Variants in IL1RAPL2 observed in about 807,000 individuals in gnomAD.
The protein encoded by IL1RAPL2 is X-linked interleukin-1 receptor accessory protein-like 2.
A neutral mutation model predicts 44.1 loss-of-function variants in IL1RAPL2; 3 were observed. That is an observed-to-expected ratio of 0.07 (90% CI 0.03 to 0.18). The LOEUF is 0.18. IL1RAPL2 is among the 10% of genes least tolerant of loss of function. The probability of loss-of-function intolerance (pLI) is 1.00; values close to 1 mark genes in which losing one functional copy is unlikely to be tolerated. For synonymous variants in IL1RAPL2, 181 were observed against 178.8 expected, an observed-to-expected ratio of 1.01 and a Z score of -0.10; for missense variants, 391 against 496.4, an observed-to-expected ratio of 0.79 and a Z score of 2.02.
At chrX:105,364,322 G>A (rs1021666920) in intron 5 of IL1RAPL2, among the ~76,000 whole-genome samples, 2 of 111,226 alleles carry the variant, frequency 1.8e-5, no homozygotes, top group Non-Finnish European at 3.8e-5. Flanking sequence ...GATTACAATA[G>A]CTTTATAGTA....
In IL1RAPL2 at chrX:105,114,267, A is replaced by G. The variant is rs759762827; in HGVS notation, c.83-81208A>G. On this transcript the variant is annotated intron_variant, in intron 2 of 10. Coordinates refer to ENST00000372582, the MANE Select transcript of IL1RAPL2 (RefSeq NM_017416.2). ...GGGAGGAAGCCCTCATCAGACAATGAATCTGCTGGCACCTTGATCTTGGAC... is the reference window on the plus strand; with the variant it reads ...GGGAGGAAGCCCTCATCAGACAATGGATCTGCTGGCACCTTGATCTTGGAC... Among the ~76,000 whole-genome samples the G allele has an allele frequency of 2.7e-5, 3 of 111,953 alleles. No individual in the cohort carries two copies. In the South Asian group the frequency reaches 1.1e-3, roughly 42 times the overall value.
intron 6 of IL1RAPL2, among the ~76,000 whole-genome samples, chrX:105,636,232 C>T (rs984363332): frequency 6.3e-5 from 7 of 110,801 alleles, no homozygotes; most frequent in African/African-American, 2.3e-4. Flanking sequence ...TGTTCTTAAC[C>T]TTTTCTCCTC....
chrX:105,194,749 AG>A (rs2033660556), intron 2 of IL1RAPL2, among the ~76,000 whole-genome samples: 6 of 112,001 alleles, frequency 5.4e-5, no homozygotes, highest in Non-Finnish European at 7.5e-5. Context: ...TAATCACTTT[AG>A]GTGCCTACTA....
intron 1 of IL1RAPL2, among the ~76,000 whole-genome samples, chrX:104,643,085 A>G (rs1236797203): frequency 8.9e-6 from 1 of 112,147 alleles, no homozygotes; most frequent in South Asian, 3.7e-4. Flanking sequence ...AGTATATGAG[A>G]GTGTTTTGCT....
chrX:104,978,538 C>T (rs151087959), intron 2 of IL1RAPL2, among the ~76,000 whole-genome samples: 2,395 of 112,010 alleles, frequency 0.021, 28 homozygotes, highest in Non-Finnish European at 0.033. Flanking sequence ...GGCAATATCA[C>T]CACGATCATT....
At chrX:105,589,236 T>C (rs1409610131) in intron 6 of IL1RAPL2, among the ~76,000 whole-genome samples, 2 of 111,667 alleles carry the variant, frequency 1.8e-5, no homozygotes, top group African/African-American at 6.5e-5. Context: ...ATGGGGTAAT[T>C]TTTTTTCTTG....
intron 6 of IL1RAPL2, among the ~76,000 whole-genome samples, chrX:105,690,390 A>G (rs2038025593): frequency 9.0e-6 from 1 of 111,702 alleles, no homozygotes; most frequent in South Asian, 3.7e-4. Flanking sequence ...ACACAAATTT[A>G]CATTCTTCAT....
At chrX:104,852,397 G>A (rs1275424898) in intron 2 of IL1RAPL2, among the ~76,000 whole-genome samples, 3 of 112,000 alleles carry the variant, frequency 2.7e-5, no homozygotes, top group East Asian at 2.8e-4. Flanking sequence ...AGTATTTTTT[G>A]TGTATGTAAG....
At chrX:105,045,916 T>C (rs940945303) in intron 2 of IL1RAPL2, among the ~76,000 whole-genome samples, 18 of 111,154 alleles carry the variant, frequency 1.6e-4, no homozygotes, top group African/African-American at 4.9e-4. Flanking sequence ...AAAATTAATC[T>C]TAAAAAATTA....
chrX:105,460,365 A>G (rs946813037), intron 5 of IL1RAPL2, among the ~76,000 whole-genome samples: 1 of 106,103 alleles, frequency 9.4e-6, no homozygotes, highest in African/African-American at 3.4e-5. Flanking sequence ...TTTCCTTCTC[A>G]CTCTTCTTCT....
At chrX:104,767,470 A>G (rs1932576707) in intron 2 of IL1RAPL2, among the ~76,000 whole-genome samples, 1 of 111,677 alleles carries the variant, frequency 9.0e-6, no homozygotes, top group African/African-American at 3.3e-5. Flanking sequence ...ATGAATGCTG[A>G]GGTTTTTAAC....
chrX:104,979,821 T>C (rs1332393882), intron 2 of IL1RAPL2, among the ~76,000 whole-genome samples: 1 of 112,245 alleles, frequency 8.9e-6, no homozygotes, highest in Non-Finnish European at 1.9e-5. Context: ...CATTTGGCAA[T>C]GTCTGGAGAC....
intron 2 of IL1RAPL2, among the ~76,000 whole-genome samples, chrX:105,016,824 C>T (rs1270239403): frequency 1.8e-5 from 2 of 111,155 alleles, no homozygotes; most frequent in African/African-American, 3.3e-5. Flanking sequence ...TGATGCTGGC[C>T]TCATAAAATG....
chrX:105,237,447 T>G (rs1556202953), intron 4 of IL1RAPL2, among the ~76,000 whole-genome samples: 1 of 112,118 alleles, frequency 8.9e-6, no homozygotes, highest in East Asian at 2.8e-4. Flanking sequence ...TTGAACCAGT[T>G]TACAGTCCCA....
At chrX:105,156,251 G>A (rs2033267730) in intron 2 of IL1RAPL2, among the ~76,000 whole-genome samples, 1 of 111,467 alleles carries the variant, frequency 9.0e-6, no homozygotes, top group African/African-American at 3.3e-5. Context: ...CATCCTCTTA[G>A]GGGGCTTGGA....
At chrX:105,364,404 GT>G (rs933368204) in intron 5 of IL1RAPL2, among the ~76,000 whole-genome samples, 1 of 110,257 alleles carries the variant, frequency 9.1e-6, no homozygotes. Flanking sequence ...GCTCTTTGGG[GT>G]TTTTTTCTGG....
chrX:105,677,845 TTAAA>T (rs1188877913), intron 6 of IL1RAPL2, among the ~76,000 whole-genome samples: 2 of 111,956 alleles, frequency 1.8e-5, no homozygotes, highest in African/African-American at 6.5e-5. Flanking sequence ...TAAATGGAAG[TTAAA>T]TAATGTTCTG....
intron 2 of IL1RAPL2, among the ~76,000 whole-genome samples, chrX:104,710,824 C>G (rs1430375477): frequency 9.0e-6 from 1 of 111,101 alleles, no homozygotes; most frequent in Non-Finnish European, 1.9e-5. Context: ...GTAAACAAAC[C>G]TACTGCATCG....
chrX:104,730,338 G>A (rs1292098971), intron 2 of IL1RAPL2, among the ~76,000 whole-genome samples: 7 of 94,270 alleles, frequency 7.4e-5, no homozygotes, highest in East Asian at 7.2e-4. Flanking sequence ...TCGTCATTTA[G>A]CATTAGGTGT....
Sources: gnomAD v4.1 joint callset for allele counts (sites outside exome capture counted in the v4.1 genomes callset) on GRCh38, gnomAD v4.1.1 for gene constraint, MANE v1.5 for transcripts, NCBI Gene and HGNC (gene_info 2026-07-23, HGNC 2026-07-21) for gene names.